MSN: variants seen among roughly 807,000 people sequenced by gnomAD.
MSN encodes moesin, also known as epididymis luminal protein 70.
MSN carries 2 observed loss-of-function variants against 48.0 expected under a neutral mutation model. The observed-to-expected ratio is 0.04, with a 90% CI of 0.02 to 0.13. The LOEUF is 0.13. Among genes scored for constraint, MSN ranks in the 10% least tolerant of loss-of-function variants. MSN has a pLI of 1.00. For synonymous variants in MSN, 146 were observed against 166.9 expected (o/e 0.87, Z 0.97); for missense variants, 267 against 470.1 (o/e 0.57, Z 3.99).
intron 9 of MSN, 28 bp from the exon 10 acceptor site, chrX:65,737,150 C>T (rs780716971): frequency 8.4e-7 from 1 of 1,192,565 alleles, no homozygotes; most frequent in Non-Finnish European, 1.1e-6. Flanking sequence ...GTGCTCTTCA[C>T]TGCCTTCTCC....
At chrX:65,624,311 C>T (rs2070483244) in intron 1 of MSN, among the ~76,000 whole-genome samples, 1 of 110,223 alleles carries the variant, frequency 9.1e-6, no homozygotes, top group African/African-American at 3.4e-5. Flanking sequence ...CTCCCGACCT[C>T]AGGTGATCCA....
intron 1 of MSN, among the ~76,000 whole-genome samples, chrX:65,687,551 T>A (rs5965001): frequency 1.0e-3 from 113 of 111,446 alleles, no homozygotes; most frequent in African/African-American, 3.6e-3. Context: ...ATCCATAGAG[T>A]ATTACTCTTA....
intron 1 of MSN, among the ~76,000 whole-genome samples, chrX:65,651,975 G>C (rs761104273): frequency 1.2e-4 from 13 of 107,470 alleles, no homozygotes; most frequent in Non-Finnish European, 2.1e-4. Context: ...CCCAGGCCAG[G>C]CATGGTGGCT....
chrX:65,592,223 G>A (rs909062555), intron 1 of MSN, among the ~76,000 whole-genome samples: 4 of 86,566 alleles, frequency 4.6e-5, no homozygotes, highest in African/African-American at 8.9e-5. Context: ...TTTTGATGGA[G>A]TCTCGCTCTG....
rs1321034995 is a variant in MSN at position 65,634,511 on chromosome X, G to T, written c.-22+45899G>T. ...ACCTGTCATCCCAGCCACTCGGGAG[G>T]CTGAGGCAGGAGAATCACTTGAACC... On this transcript the variant is annotated intron_variant, in intron 1 of 3. Transcript: ENST00000609672. Among the ~76,000 whole-genome samples the T allele has an allele frequency of 2.7e-5, 3 of 110,816 alleles. No individual in the cohort carries two copies. The South Asian group carries it at 1.2e-3, about 43-fold the overall frequency.
chrX:65,688,911 T>C (rs1269409123), intron 1 of MSN, among the ~76,000 whole-genome samples: 1 of 112,132 alleles, frequency 8.9e-6, no homozygotes, highest in Non-Finnish European at 1.9e-5. Flanking sequence ...GCCATGCTCC[T>C]GGACATATGG....
Position 65,660,046 on chromosome X carries a change from T to G in MSN, c.-21-56772T>G, listed in dbSNP as rs548926388. Among the ~76,000 whole-genome samples, 8 of 111,418 alleles carry G rather than the reference T, an allele frequency of 7.2e-5. No individual in the cohort carries two copies. The South Asian group carries it at 3.0e-3, about 42-fold the overall frequency. ...CAAGGAGGTAGGAAACAAAGCTGTT[T>G]CACTGCCGTCTTAAAGAACAAGATA... is the stretch of plus-strand genomic sequence containing the variant. On this transcript the variant is annotated intron_variant, in intron 1 of 3. Coordinates refer to the MSN transcript ENST00000609672.
upstream of MSN, among the ~76,000 whole-genome samples, chrX:65,665,109 G>A (rs763717964): frequency 1.8e-5 from 2 of 111,153 alleles, no homozygotes; most frequent in African/African-American, 6.6e-5. Context: ...ACTCTCCCCT[G>A]TGTATGTGTG....
At chrX:65,654,199 G>A (rs184604472) in intron 1 of MSN, among the ~76,000 whole-genome samples, 2,896 of 102,925 alleles carry the variant, frequency 0.028, 89 homozygotes, top group African/African-American at 0.084. Flanking sequence ...TCCGCCTCCC[G>A]GGCTCACACC....
At chrX:65,609,715 C>T (rs1020835337) in intron 1 of MSN, among the ~76,000 whole-genome samples, 5 of 111,525 alleles carry the variant, frequency 4.5e-5, no homozygotes, top group African/African-American at 1.6e-4. Flanking sequence ...AACCCCATCT[C>T]TACTAAAAAT....
chrX:65,618,367 C>T (rs1469043058), intron 1 of MSN, among the ~76,000 whole-genome samples: 1 of 111,364 alleles, frequency 9.0e-6, no homozygotes, highest in Non-Finnish European at 1.9e-5. Context: ...TCACTCAGGA[C>T]TTGCTTTATG....
intron 1 of MSN, among the ~76,000 whole-genome samples, chrX:65,615,476 T>C (rs1457415958): frequency 9.0e-6 from 1 of 110,639 alleles, no homozygotes; most frequent in African/African-American, 3.3e-5. Flanking sequence ...CATTTTTTCA[T>C]GTGTTTTTTG....
chrX:65,654,370 C>T (rs1262510355), intron 1 of MSN, among the ~76,000 whole-genome samples: 1 of 109,758 alleles, frequency 9.1e-6, no homozygotes, highest in Non-Finnish European at 1.9e-5. Context: ...ATCGGCCCTC[C>T]TCGGCCTCCC....
At chrX:65,677,355 A>G (rs1478952079) in intron 1 of MSN, among the ~76,000 whole-genome samples, 1 of 112,573 alleles carries the variant, frequency 8.9e-6, no homozygotes, top group Non-Finnish European at 1.9e-5. Flanking sequence ...ATCCTTGTAG[A>G]TACTTGTGGG....
At chrX:65,729,374 C>T in intron 3 of MSN, 64 bp from the exon 4 acceptor site, 16 of 1,137,509 alleles carry the variant, frequency 1.4e-5, no homozygotes, top group Non-Finnish European at 1.8e-5. Context: ...TCTCCCCACC[C>T]TACAGCCACT....
intron 1 of MSN, among the ~76,000 whole-genome samples, chrX:65,634,018 A>C (rs2070579119): frequency 9.0e-6 from 1 of 110,933 alleles, no homozygotes; most frequent in African/African-American, 3.3e-5. Flanking sequence ...CCTTTCACTC[A>C]TCTCCTTGTT....
At chrX:65,608,903 T>C (rs1285504729) in intron 1 of MSN, among the ~76,000 whole-genome samples, 1 of 110,518 alleles carries the variant, frequency 9.0e-6, no homozygotes, top group Non-Finnish European at 1.9e-5. Flanking sequence ...CTACCATGAT[T>C]CTGGTTGTGA....
intron 1 of MSN, among the ~76,000 whole-genome samples, chrX:65,650,350 A>T (rs2070733416): frequency 8.9e-6 from 1 of 112,161 alleles, no homozygotes; most frequent in Non-Finnish European, 1.9e-5. Context: ...GGCCTCCCAA[A>T]GTGCTGGGAT....
chrX:65,652,386 CT>C (rs1309543128), intron 1 of MSN, among the ~76,000 whole-genome samples: 6 of 111,630 alleles, frequency 5.4e-5, no homozygotes, highest in Non-Finnish European at 1.1e-4. Context: ...AGCCACAATC[CT>C]TGCCTTTAGG....
Sources: allele counts gnomAD v4.1 joint callset (sites outside exome capture counted in the v4.1 genomes callset), GRCh38; gene constraint gnomAD v4.1.1; transcripts MANE v1.5; gene names NCBI Gene and HGNC (gene_info 2026-07-23, HGNC 2026-07-21).